Variants in HNRNPA3 observed in about 807,000 individuals in gnomAD.
HNRNPA3 encodes the protein epididymis secretory sperm binding protein.
Under a neutral mutation model 45.8 loss-of-function variants are expected in HNRNPA3, and 3 were observed. That is an observed-to-expected ratio of 0.07 (90% confidence interval 0.03 to 0.17). HNRNPA3 has a LOEUF of 0.17. Ranked by LOEUF, HNRNPA3 falls within the 10% of genes least tolerant of loss-of-function variation. The probability of loss-of-function intolerance (pLI) is 1.00; values close to 1 mark genes in which losing one functional copy is unlikely to be tolerated. For missense variants in HNRNPA3, 183 were observed against 480.3 expected (o/e 0.38, Z 5.79); for synonymous variants, 170 against 155.6 (o/e 1.09, Z -0.69).
At chr2:177,222,098 T>C (rs1440244906), downstream of HNRNPA3, 1 of 152,666 alleles carries the variant, frequency 6.6e-6, no homozygotes, top group Non-Finnish European at 1.5e-5. Flanking sequence ...GAGGAATGTC[T>C]TTCCTACCAT....
At chr2:177,220,923 G>C (rs1574247899), downstream of HNRNPA3, 2 of 152,502 alleles carry the variant, frequency 1.3e-5, no homozygotes, top group African/African-American at 4.8e-5. Context: ...TACTCTCTTT[G>C]GTAGTTGAAC....
At chr2:177,216,050 G>C (rs1688919419) in exon 4 of HNRNPA3, 2 of 1,574,274 alleles carry the variant, frequency 1.3e-6, no homozygotes, top group African/African-American at 1.4e-5. Flanking sequence ...AGATACAGAA[G>C]AATATAATTT....
downstream of HNRNPA3, chr2:177,221,326 A>G (rs1689178454): frequency 6.6e-6 from 1 of 152,468 alleles, no homozygotes. Context: ...AATTGAGCTA[A>G]ATTGTCTCAA....
chr2:177,218,052 CTTTTTTTT>C (rs58476089), intron 8 of HNRNPA3, among the ~76,000 whole-genome samples: 5 of 102,190 alleles, frequency 4.9e-5, no homozygotes, highest in African/African-American at 8.0e-5. Context: ...TCTCTTTTTT[CTTTTTTTT>C]TTTTTTTTTT....
intron 7 of HNRNPA3, 95 bp from the exon 8 acceptor site, chr2:177,217,608 CAG>C: frequency 1.3e-6 from 2 of 1,481,980 alleles, no homozygotes; most frequent in Non-Finnish European, 1.9e-6. Context: ...GCCCGGGCAA[CAG>C]AGCAAGACCC....
chr2:177,216,504 T>A lies in HNRNPA3; in HGVS notation c.555T>A (p.Val185=), dbSNP rs770706389. ...TTGTTTGATTGAAAAAAAATTTAGTTCAGAAATACCACACTATTAATGGGC... is the reference window on the plus strand; with the variant it reads ...TTGTTTGATTGAAAAAAAATTTAGTACAGAAATACCACACTATTAATGGGC... Residue 185 remains valine (V), a splice_region_variant and synonymous_variant, in exon 5 of 11, where the codon GTT becomes GTA. Coordinates refer to ENST00000392524, the Ensembl canonical transcript of HNRNPA3. 72 of 1,609,826 alleles carry A rather than the reference T, an allele frequency of 4.5e-5. 1 individual carries two copies. In the Middle Eastern group the frequency reaches 6.6e-4, roughly 15 times the overall value.
exon 3 of HNRNPA3, chr2:177,215,814 A>G: frequency 3.1e-6 from 5 of 1,611,414 alleles, no homozygotes; most frequent in Non-Finnish European, 4.2e-6. Flanking sequence ...TCTTGTGTTG[A>G]AGAGGTGGAT....
downstream of HNRNPA3, chr2:177,223,213 G>A (rs185139770): frequency 1.0e-3 from 153 of 152,238 alleles, no homozygotes; most frequent in African/African-American, 3.4e-3. Flanking sequence ...TTCTACGCGT[G>A]TTGAATAAGG....
chr2:177,218,987 A>G (rs774325196), intron 8 of HNRNPA3, 50 bp from the exon 9 acceptor site: 5 of 1,600,074 alleles, frequency 3.1e-6, no homozygotes, highest in African/African-American at 1.3e-5. Flanking sequence ...TTAAAAGGGG[A>G]AAATGATGAT....
chr2:177,217,288 A>G (rs1688983092), intron 7 of HNRNPA3, among the ~76,000 whole-genome samples: 1 of 151,798 alleles, frequency 6.6e-6, no homozygotes, highest in African/African-American at 2.4e-5. Context: ...ATACTCTATT[A>G]TTATTAGGTA....
exon 2 of HNRNPA3, chr2:177,215,541 C>T (rs748316777): frequency 4.8e-5 from 78 of 1,613,642 alleles, no homozygotes; most frequent in Non-Finnish European, 6.3e-5. Context: ...TCTCTCAGGG[C>T]CATGATCCAA....
chr2:177,222,385 G>C (rs951308612), downstream of HNRNPA3: 1 of 152,208 alleles, frequency 6.6e-6, no homozygotes, highest in Non-Finnish European at 1.5e-5. Flanking sequence ...TGTGTCTTCA[G>C]GGTAAACTCA....
At chr2:177,217,747 G>T (rs1464275340) in exon 8 of HNRNPA3, 2 of 1,613,190 alleles carry the variant, frequency 1.2e-6, no homozygotes, top group Admixed American at 1.7e-5. Context: ...AGTAGAGGGG[G>T]CTATGGTGGT....
chr2:177,217,087 C>T, intron 7 of HNRNPA3, 147 bp downstream of exon 7: 9 of 835,068 alleles, frequency 1.1e-5, no homozygotes, highest in South Asian at 2.3e-5. Flanking sequence ...AGAACAGGAA[C>T]CCTTTTTCCC....
At chr2:177,216,229 CT>C (rs761405578) in intron 4 of HNRNPA3, 41 bp downstream of exon 4, 235 of 1,337,580 alleles carry the variant, frequency 1.8e-4, no homozygotes, top group Non-Finnish European at 2.1e-4. Context: ...GAAAGTAGAA[CT>C]GGTTTTTCTG....
Position 177,215,528 on chromosome 2 carries a change from C to T in HNRNPA3, c.73-11C>T, listed in dbSNP as rs201489997. ...GTAAGGTAACTTAAGAGTATTGGTT[C>T]TTTCTCTCAGGGCCATGATCCAAAG... On this transcript the variant is annotated splice_polypyrimidine_tract_variant and intron_variant, in intron 1 of 10. Coordinates refer to ENST00000392524, the Ensembl canonical transcript of HNRNPA3. The T allele has an allele frequency of 5.1e-4, 824 of 1,613,752 alleles. 4 individuals carry two copies. The African/African-American group carries it at 9.3e-3, about 18-fold the overall frequency.
chr2:177,215,181 C>A (rs1398146690), intron 1 of HNRNPA3, among the ~76,000 whole-genome samples: 1 of 152,124 alleles, frequency 6.6e-6, no homozygotes, highest in African/African-American at 2.4e-5. Flanking sequence ...TGGCTCACCG[C>A]AACCTCCGCC....
At chr2:177,216,025 T>G in exon 4 of HNRNPA3, 1 of 1,596,360 alleles carries the variant, frequency 6.3e-7, no homozygotes. Context: ...AAATTTTTGT[T>G]GGTGGTATTA....
intron 1 of HNRNPA3, among the ~76,000 whole-genome samples, chr2:177,213,331 C>T (rs978897767): frequency 6.6e-6 from 1 of 152,244 alleles, no homozygotes; most frequent in Non-Finnish European, 1.5e-5. Flanking sequence ...CCTCGCTCTG[C>T]CGCCGGGAAA....
Sources: gnomAD v4.1 joint callset for allele counts (sites outside exome capture counted in the v4.1 genomes callset) on GRCh38, gnomAD v4.1.1 for gene constraint, MANE v1.5 for transcripts, NCBI Gene and HGNC (gene_info 2026-07-23, HGNC 2026-07-21) for gene names.